CCSER1: variants seen among roughly 807,000 people sequenced by gnomAD.
The protein encoded by CCSER1 is serine-rich coiled-coil domain-containing protein 1.
Under a neutral mutation model 82.0 loss-of-function variants are expected in CCSER1, and 41 were observed. The observed-to-expected ratio is 0.50, with a 90% CI of 0.39 to 0.65. The LOEUF (loss-of-function observed/expected upper bound fraction) is 0.65. Ranked by LOEUF, CCSER1 falls within the 30% of genes least tolerant of loss-of-function variation. CCSER1 has a pLI of 0.00. For missense variants in CCSER1, 1,119 were observed against 1,064.2 expected (o/e 1.05, Z -0.72); for synonymous variants, 414 against 383.9 (o/e 1.08, Z -0.92).
intron 7 of CCSER1, among the ~76,000 whole-genome samples, chr4:90,727,680 T>G (rs1356707014): frequency 1.3e-5 from 2 of 152,154 alleles, no homozygotes; most frequent in Non-Finnish European, 2.9e-5. Flanking sequence ...GCAGCCTCAG[T>G]CCATTCCTGG....
intron 10 of CCSER1, among the ~76,000 whole-genome samples, chr4:91,558,248 A>G (rs541719362): frequency 6.6e-6 from 1 of 150,538 alleles, no homozygotes; most frequent in East Asian, 1.9e-4. Context: ...AAATATGTGT[A>G]TTATTGGTTC....
chr4:90,895,259 A>T (rs1388969735), intron 8 of CCSER1, among the ~76,000 whole-genome samples: 1 of 151,944 alleles, frequency 6.6e-6, no homozygotes, highest in Non-Finnish European at 1.5e-5. Context: ...ATAATATTTA[A>T]GGGTGCCTGA....
chr4:91,146,019 A>C (rs1729498691), intron 10 of CCSER1, among the ~76,000 whole-genome samples: 1 of 152,148 alleles, frequency 6.6e-6, no homozygotes, highest in Admixed American at 6.5e-5. Context: ...ATGTTTTCCA[A>C]GTGGCCTACT....
chr4:91,039,568 C>A (rs534063845), intron 9 of CCSER1, among the ~76,000 whole-genome samples: 2 of 152,058 alleles, frequency 1.3e-5, no homozygotes, highest in African/African-American at 4.8e-5. Flanking sequence ...TGACTGGTCC[C>A]TTATTTTTGA....
chr4:90,565,758 A>G (rs1779291104), intron 5 of CCSER1, among the ~76,000 whole-genome samples: 1 of 152,144 alleles, frequency 6.6e-6, no homozygotes. Flanking sequence ...GCACTTATTG[A>G]AATGATTGTG....
chr4:90,726,413 G>A (rs988218460), intron 7 of CCSER1, among the ~76,000 whole-genome samples: 2 of 151,966 alleles, frequency 1.3e-5, no homozygotes, highest in Non-Finnish European at 2.9e-5. Flanking sequence ...TGTTAGGAAT[G>A]TACCATAGTA....
intron 1 of CCSER1, among the ~76,000 whole-genome samples, chr4:90,303,864 A>G (rs1013672224): frequency 6.6e-6 from 1 of 150,500 alleles, no homozygotes; most frequent in East Asian, 2.0e-4. Context: ...GTGAACAGGC[A>G]ACCTACAAAA....
intron 10 of CCSER1, among the ~76,000 whole-genome samples, chr4:91,558,561 TACCTGAG>T (rs766385052): frequency 2.7e-4 from 41 of 151,600 alleles, no homozygotes; most frequent in Non-Finnish European, 4.3e-4. Context: ...GATAAAGGCA[TACCTGAG>T]ACTGGGAAGA....
intron 10 of CCSER1, among the ~76,000 whole-genome samples, chr4:91,569,886 C>A (rs1320175451): frequency 6.6e-6 from 1 of 152,104 alleles, no homozygotes; most frequent in African/African-American, 2.4e-5. Flanking sequence ...TCCAGAAATT[C>A]AAGTCCAAAG....
At chr4:91,381,964 C>T (rs1191089016) in intron 10 of CCSER1, among the ~76,000 whole-genome samples, 3 of 152,180 alleles carry the variant, frequency 2.0e-5, no homozygotes, top group Non-Finnish European at 2.9e-5. Context: ...TTCTAACAGT[C>T]AGGACCTTCA....
intron 5 of CCSER1, among the ~76,000 whole-genome samples, chr4:90,621,770 T>C (rs1192705423): frequency 1.3e-5 from 2 of 152,218 alleles, no homozygotes; most frequent in Non-Finnish European, 2.9e-5. Flanking sequence ...GTAGTTAATT[T>C]ACTAGTAGGA....
chr4:90,229,257 C>A (rs1208485497), intron 1 of CCSER1, among the ~76,000 whole-genome samples: 1 of 152,188 alleles, frequency 6.6e-6, no homozygotes, highest in East Asian at 1.9e-4. Context: ...GCCCATCAGA[C>A]TGACAGCAGA....
chr4:90,784,692 C>A (rs1754234227), intron 7 of CCSER1, among the ~76,000 whole-genome samples: 1 of 152,126 alleles, frequency 6.6e-6, no homozygotes, highest in South Asian at 2.1e-4. Context: ...AGGCACCAAC[C>A]CTCATGCAGT....
chr4:91,098,629 C>CCTCCCGGGTTCATGCCATT (rs1394123770), intron 10 of CCSER1, among the ~76,000 whole-genome samples: 3 of 151,856 alleles, frequency 2.0e-5, no homozygotes, highest in African/African-American at 7.3e-5. Context: ...GCAAGCTCCG[C>CCTCCCGGGTTCATGCCATT]CTCCCGGGTT....
chr4:90,979,036 C>G (rs1469958843), intron 9 of CCSER1, among the ~76,000 whole-genome samples: 2 of 151,476 alleles, frequency 1.3e-5, no homozygotes, highest in African/African-American at 4.8e-5. Context: ...CAACTACTTC[C>G]AAGCACCCTA....
intron 9 of CCSER1, among the ~76,000 whole-genome samples, chr4:91,036,021 C>T (rs1436351798): frequency 7.9e-5 from 12 of 152,158 alleles, no homozygotes; most frequent in Admixed American, 6.5e-4. Context: ...TCACAGGAGT[C>T]GGATGTGGGC....
intron 10 of CCSER1, among the ~76,000 whole-genome samples, chr4:91,141,140 A>G (rs375167784): frequency 2.0e-5 from 3 of 150,998 alleles, no homozygotes; most frequent in African/African-American, 7.3e-5. Context: ...GCTGCAAAGG[A>G]TATGATTTCA....
chr4:91,360,403 A>G (rs1749169755), intron 10 of CCSER1, among the ~76,000 whole-genome samples: 1 of 149,002 alleles, frequency 6.7e-6, no homozygotes. Context: ...ACTAATAGTT[A>G]AGACACAAAC....
At chr4:91,051,757 C>T (rs1259378212) in intron 9 of CCSER1, among the ~76,000 whole-genome samples, 1 of 152,112 alleles carries the variant, frequency 6.6e-6, no homozygotes, top group Admixed American at 6.6e-5. Flanking sequence ...AGTAATATTG[C>T]TTGATTCATT....
Sources: allele counts gnomAD v4.1 joint callset (sites outside exome capture counted in the v4.1 genomes callset), GRCh38; gene constraint gnomAD v4.1.1; transcripts MANE v1.5; gene names NCBI Gene and HGNC (gene_info 2026-07-23, HGNC 2026-07-21).